ITSN2: variants seen among roughly 807,000 people sequenced by gnomAD.
ITSN2 encodes the protein intersectin 2.
A neutral mutation model predicts 243.7 loss-of-function variants in ITSN2; 156 were observed. The ratio of observed to expected loss-of-function variants is 0.64; its 90% CI spans 0.56 to 0.73. ITSN2 has a LOEUF of 0.73. Among genes scored for constraint, ITSN2 ranks in the 30% least tolerant of loss-of-function variants. The pLI is 0.00. For missense variants in ITSN2, 1,801 were observed against 1,996.1 expected (o/e 0.90, Z 1.86); for synonymous variants, 703 against 699.9 (o/e 1.00, Z -0.07).
At chr2:24,208,049 CTG>C (rs948458776) in intron 37 of ITSN2, among the ~76,000 whole-genome samples, 186 bp downstream of exon 37, 17 of 152,112 alleles carry the variant, frequency 1.1e-4, no homozygotes, top group Admixed American at 1.1e-3. Flanking sequence ...CAGCCCGTGT[CTG>C]TGTGGGCAGG....
chr2:24,206,573 G>T (rs1668907235), intron 37 of ITSN2, among the ~76,000 whole-genome samples: 1 of 151,756 alleles, frequency 6.6e-6, no homozygotes, highest in African/African-American at 2.4e-5. Context: ...GTGGGGCAGG[G>T]TGGGGTGGGG....
At chr2:24,356,382 T>C (rs1231348051) in intron 1 of ITSN2, among the ~76,000 whole-genome samples, 1 of 147,182 alleles carries the variant, frequency 6.8e-6, no homozygotes, top group East Asian at 2.0e-4. Flanking sequence ...AAAGAAACTA[T>C]CATCAGAGTG....
intron 28 of ITSN2, among the ~76,000 whole-genome samples, chr2:24,246,539 T>C (rs1043035009): frequency 6.6e-6 from 1 of 152,202 alleles, no homozygotes; most frequent in Non-Finnish European, 1.5e-5. Flanking sequence ...AGTGAAGTAC[T>C]TCACTTTAAG....
chr2:24,357,858 T>C (rs770837664), intron 1 of ITSN2, among the ~76,000 whole-genome samples: 3 of 152,252 alleles, frequency 2.0e-5, no homozygotes, highest in Non-Finnish European at 4.4e-5. Context: ...TGGACTAATA[T>C]GTACTTTCAC....
chr2:24,209,670 C>T (rs1441886234), intron 35 of ITSN2, 148 bp downstream of exon 35: 5 of 640,832 alleles, frequency 7.8e-6, no homozygotes, highest in African/African-American at 1.8e-5. Flanking sequence ...GGGCCCTTCC[C>T]GTGGGAAGCA....
At chr2:24,346,632 ATAT>A (rs777577098) in intron 1 of ITSN2, among the ~76,000 whole-genome samples, 50 of 152,156 alleles carry the variant, frequency 3.3e-4, no homozygotes, top group Admixed American at 7.2e-4. Flanking sequence ...CTGATATAAG[ATAT>A]TAATAATAGT....
chr2:24,262,939 T>C (rs1367814478), intron 20 of ITSN2, among the ~76,000 whole-genome samples: 1 of 152,126 alleles, frequency 6.6e-6, no homozygotes, highest in Admixed American at 6.6e-5. Flanking sequence ...ACTACTGAAT[T>C]TGTCATTAAA....
At chr2:24,321,630 C>G (rs1299615079) in intron 2 of ITSN2, among the ~76,000 whole-genome samples, 1 of 152,202 alleles carries the variant, frequency 6.6e-6, no homozygotes, top group Non-Finnish European at 1.5e-5. Flanking sequence ...AAAAATCCTA[C>G]TTGGGTTATC....
intron 29 of ITSN2, chr2:24,240,573 A>G (rs1672609109): frequency 6.6e-6 from 1 of 152,250 alleles, no homozygotes; most frequent in African/African-American, 2.4e-5. Flanking sequence ...CAAGCATCAT[A>G]AAGTTATGAT....
intron 2 of ITSN2, among the ~76,000 whole-genome samples, chr2:24,316,953 T>C (rs1167305056): frequency 6.6e-6 from 1 of 152,316 alleles, no homozygotes; most frequent in Middle Eastern, 3.4e-3. Context: ...TCTAGCCTGA[T>C]AGTCCCATTT....
rs907896269 is a variant in ITSN2 at position 24,211,485 on chromosome 2, C to T, written c.4090-538G>A. Among the ~76,000 whole-genome samples the T allele has an allele frequency of 2.0e-5, 3 of 152,190 alleles. No individual in the cohort carries two copies. The highest frequency in any genetic ancestry group is 6.5e-5 in the Admixed American group (1 of 15,282). ...CTGTTCATTCTGAAGCGATTTCAAA[C>T]GACGCATGCTGCAACTGTGAACGCG... On this transcript the variant is annotated intron_variant, in intron 33 of 39. Coordinates refer to ENST00000355123, the MANE Select transcript of ITSN2 (RefSeq NM_006277.3). The surrounding 1 kb of genome is among the most constrained non-coding windows in gnomAD (Gnocchi z 4.1).
intron 1 of ITSN2, among the ~76,000 whole-genome samples, chr2:24,343,217 C>T (rs1332947318): frequency 6.6e-6 from 1 of 151,812 alleles, no homozygotes; most frequent in Non-Finnish European, 1.5e-5. Context: ...TTAAAACAAC[C>T]TGAAAAATTA....
chr2:24,306,809 C>CTT (rs757854376), intron 8 of ITSN2, among the ~76,000 whole-genome samples: 4 of 144,130 alleles, frequency 2.8e-5, no homozygotes, highest in African/African-American at 2.5e-5. Flanking sequence ...CAAAGATAAA[C>CTT]TTTTTTTTTT....
chr2:24,208,061 G>A (rs1669090995), intron 37 of ITSN2, among the ~76,000 whole-genome samples, 176 bp downstream of exon 37: 1 of 152,046 alleles, frequency 6.6e-6, no homozygotes. Flanking sequence ...GTGTGGGCAG[G>A]AGCCCCAGGG....
At chr2:24,224,886 T>C (rs1213609580) in intron 29 of ITSN2, among the ~76,000 whole-genome samples, 1 of 152,198 alleles carries the variant, frequency 6.6e-6, no homozygotes, top group African/African-American at 2.4e-5. Context: ...CATCTCGGCC[T>C]CTCGAAGTGC....
chr2:24,230,497 G>A (rs1671473147), intron 29 of ITSN2, among the ~76,000 whole-genome samples: 1 of 152,186 alleles, frequency 6.6e-6, no homozygotes, highest in South Asian at 2.1e-4. Context: ...GCTGGGTGCG[G>A]TGGCTCACGC....
At chr2:24,229,091 GGAAAGCCTCAAAGTGTAAAATAA>G (rs1338903959) in intron 29 of ITSN2, among the ~76,000 whole-genome samples, 1 of 4,896 alleles carries the variant, frequency 2.0e-4, no homozygotes, top group East Asian at 7.8e-3. Context: ...ACAACTAACA[GGAAAGCCTCAAAGTGTAAAATAA>G]AAAACTAAGA....
intron 37 of ITSN2, among the ~76,000 whole-genome samples, chr2:24,207,664 A>G (rs544218663): frequency 6.6e-6 from 1 of 152,016 alleles, no homozygotes; most frequent in Admixed American, 6.5e-5. Context: ...CAGTGCAGGG[A>G]GCTGGGGCAG....
At position 24,295,644 on chromosome 2, in the gene ITSN2, T is replaced by C. The variant is rs372426002; in HGVS notation, c.1635+20A>G. On this transcript the variant is annotated intron_variant, in intron 14 of 39. Coordinates refer to ENST00000355123, the MANE Select transcript of ITSN2 (RefSeq NM_006277.3). ...ATTAATTGTACATGTTTAAGAACAA[T>C]TTAGCAGTGAAGGACTTACCTGAAG... 7 of 1,503,114 alleles carry C rather than the reference T, an allele frequency of 4.7e-6. No homozygotes were observed. The African/African-American group carries it at 1.0e-4, about 22-fold the overall frequency. The allele number at this position is 1,503,114 out of a possible 1,614,324, so 93.1% of individuals were successfully genotyped here. A position where few individuals can be genotyped will look rare whatever the true frequency, so the allele number is the denominator to read the frequency against.
Sources: allele counts gnomAD v4.1 joint callset (sites outside exome capture counted in the v4.1 genomes callset), GRCh38; gene constraint gnomAD v4.1.1; non-coding constraint Gnocchi (gnomAD v3.1); transcripts MANE v1.5; gene names NCBI Gene and HGNC (gene_info 2026-07-23, HGNC 2026-07-21).